GLB1L2: variants seen among roughly 807,000 people sequenced by gnomAD.
GLB1L2 encodes galactosidase beta 1 like 2.
Under a neutral mutation model 84.1 loss-of-function variants are expected in GLB1L2, and 68 were observed. The observed-to-expected ratio is 0.81, with a 90% CI of 0.67 to 0.99. The LOEUF is 0.99. Ranked by LOEUF, GLB1L2 falls within the 50% of genes least tolerant of loss-of-function variation. The pLI is 0.00. For synonymous variants in GLB1L2, 290 were observed against 318.0 expected, an observed-to-expected ratio of 0.91 and a Z score of 0.94; for missense variants, 762 against 805.6, an observed-to-expected ratio of 0.95 and a Z score of 0.66.
chr11:134,333,975 G>T (rs1943341619), intron 1 of GLB1L2, among the ~76,000 whole-genome samples: 1 of 152,136 alleles, frequency 6.6e-6, no homozygotes, highest in Admixed American at 6.5e-5. Flanking sequence ...GCATCTTTTT[G>T]ATTTTTTCAC....
intron 11 of GLB1L2, 90 bp downstream of exon 11, chr11:134,369,975 T>C: frequency 9.4e-7 from 1 of 1,060,212 alleles, no homozygotes; most frequent in Non-Finnish European, 1.4e-6. Context: ...CTGTCCCACC[T>C]CGACCCCAGT....
chr11:134,370,947 A>G lies in GLB1L2; in HGVS notation c.1216-61A>G, dbSNP rs1943944293. On this transcript the variant is annotated intron_variant, in intron 12 of 18. Coordinates refer to ENST00000535456, the MANE Select transcript of GLB1L2 (RefSeq NM_001370461.1). The surrounding 1 kb of genome is among the most constrained non-coding windows in gnomAD (Gnocchi z 4.7). Reference sequence around the variant, plus strand: ...ACCCCATGTGCCAGCCCCCAGGCAGAGTCTGTCTGTGACCCCACTCCTCCT... The same window carrying G: ...ACCCCATGTGCCAGCCCCCAGGCAGGGTCTGTCTGTGACCCCACTCCTCCT... 4 of 1,591,392 alleles carry G rather than the reference A, an allele frequency of 2.5e-6. No homozygotes were observed. The highest frequency in any genetic ancestry group is 1.1e-5 in the South Asian group (1 of 87,524).
chr11:134,344,227 G>A (rs1387354280), intron 2 of GLB1L2, among the ~76,000 whole-genome samples, 160 bp from the exon 3 acceptor site: 1 of 152,190 alleles, frequency 6.6e-6, no homozygotes, highest in African/African-American at 2.4e-5. Context: ...CTCGATTCTG[G>A]TCCCTAGATC....
chr11:134,374,750 T>C (rs1476442597), intron 18 of GLB1L2, 32 bp downstream of exon 18: 1 of 1,548,028 alleles, frequency 6.5e-7, no homozygotes, highest in East Asian at 2.3e-5. Context: ...CTGTTCCCCA[T>C]GACGCCCTGC....
rs1338488698 is a variant in GLB1L2, at chr11:134,370,269, G to A, written c.1109-24G>A. ...GCAGTGACATTTGGGTCCGTTGGGG[G>A]TGACCCTGTTTTCTGTGTTGCAGGC... is the stretch of plus-strand genomic sequence containing the variant. On this transcript the variant is annotated intron_variant, in intron 11 of 18. Coordinates refer to ENST00000535456, the MANE Select transcript of GLB1L2 (RefSeq NM_001370461.1). The surrounding 1 kb of genome is among the most constrained non-coding windows in gnomAD (Gnocchi z 4.7). 8 of 1,598,420 alleles carry A rather than the reference G, an allele frequency of 5.0e-6. No individual in the cohort carries two copies. Among genetic ancestry groups the A allele is most frequent in the African/African-American group, 4.0e-5 (3 of 74,520 alleles).
intron 3 of GLB1L2, 120 bp from the exon 4 acceptor site, chr11:134,344,914 G>C: frequency 3.4e-6 from 4 of 1,193,914 alleles, no homozygotes; most frequent in Non-Finnish European, 4.7e-6. Context: ...CGCTTTGGGG[G>C]TGGGGCCGAG....
intron 8 of GLB1L2, among the ~76,000 whole-genome samples, chr11:134,366,857 G>A (rs370605582): frequency 2.0e-5 from 3 of 152,064 alleles, no homozygotes; most frequent in South Asian, 2.1e-4. Flanking sequence ...CCCAGGGTGG[G>A]GGGGAGGGAT....
rs766882434 is a variant in GLB1L2 at position 134,374,223 on chromosome 11, C to T, written c.1674C>T (p.Ser558=). The T allele has an allele frequency of 2.6e-5, 42 of 1,613,622 alleles. No individual in the cohort carries two copies. In the South Asian group the frequency reaches 4.6e-4, roughly 18 times the overall value. ...PAFFLGSLSI[S]STPCDTFLKL... ...TCTTCTTGGGTAGCTTGTCCATCAG[C>T]TCCACCCCTTGTGACACCTTTCTGA... Residue 558 remains serine, a synonymous_variant, in exon 17 of 19, where the codon AGC becomes AGT. Transcript: ENST00000535456.
chr11:134,370,150 C>T lies in GLB1L2; in HGVS notation c.1109-143C>T. The T allele has an allele frequency of 1.3e-6, 1 of 783,164 alleles. No individual in the cohort carries two copies. The highest frequency in any genetic ancestry group is 2.2e-6 in the Non-Finnish European group (1 of 453,664). The allele number at this position is 783,164 out of a possible 1,614,324, so 48.5% of individuals were successfully genotyped here. On this transcript the variant is annotated intron_variant, in intron 11 of 18. Coordinates refer to ENST00000535456, the MANE Select transcript of GLB1L2 (RefSeq NM_001370461.1). This position sits in a 1 kb window ranked among gnomAD's most constrained non-coding sequence, Gnocchi z 4.7. Reference sequence around the variant, plus strand: ...GCCTGGCCTTCCTCCCTGGCCTCAGCAGGTGCTGAGAGCTAGCCTGTTGTT... The same window carrying T: ...GCCTGGCCTTCCTCCCTGGCCTCAGTAGGTGCTGAGAGCTAGCCTGTTGTT...
intron 15 of GLB1L2, 92 bp downstream of exon 15, chr11:134,371,922 A>T: frequency 7.9e-7 from 1 of 1,268,638 alleles, no homozygotes; most frequent in Non-Finnish European, 1.1e-6. Flanking sequence ...CAGGCCATGG[A>T]GGCCTCTTGC....
chr11:134,371,563 A>G, intron 14 of GLB1L2, 71 bp downstream of exon 14: 3 of 1,098,568 alleles, frequency 2.7e-6, no homozygotes, highest in Non-Finnish European at 2.8e-6. Flanking sequence ...GCAGTCACTG[A>G]GGAAAACCTG....
At chr11:134,341,885 A>AGT (rs1943467642) in intron 1 of GLB1L2, among the ~76,000 whole-genome samples, 3 of 136,014 alleles carry the variant, frequency 2.2e-5, no homozygotes, top group African/African-American at 8.4e-5. Flanking sequence ...ACCGCCTGCT[A>AGT]GTGTCAGGGC....
chr11:134,353,665 T>C (rs1215144619), intron 5 of GLB1L2, among the ~76,000 whole-genome samples: 1 of 152,208 alleles, frequency 6.6e-6, no homozygotes, highest in African/African-American at 2.4e-5. Context: ...TGTCTATTTT[T>C]CCCTTTAATT....
At chr11:134,362,010 T>C in intron 7 of GLB1L2, among the ~76,000 whole-genome samples, 1 of 152,176 alleles carries the variant, frequency 6.6e-6, no homozygotes, top group East Asian at 1.9e-4. Context: ...TGGTGGGCCG[T>C]GCGGGTTGTG....
In GLB1L2 at chr11:134,334,984, G is replaced by A. The variant is rs947143027; in HGVS notation, c.86+2837G>A. ...ATCACCGAGCAAGAATACAGGCAAC[G>A]CTGCATCTCTCATACCTGAAATTTT... is the stretch of plus-strand genomic sequence containing the variant. On this transcript the variant is annotated intron_variant, in intron 1 of 18. Transcript: ENST00000535456. This position sits in a 1 kb window ranked among gnomAD's most constrained non-coding sequence, Gnocchi z 4.1. 2.6e-5 allele frequency among the ~76,000 whole-genome samples: 4 copies of A among 152,178 alleles called. No individual in the cohort carries two copies. The highest frequency in any genetic ancestry group is 3.4e-3 in the Middle Eastern group (1 of 294).
chr11:134,372,098 C>A (rs1415518464), intron 15 of GLB1L2, among the ~76,000 whole-genome samples: 1 of 152,220 alleles, frequency 6.6e-6, no homozygotes, highest in Non-Finnish European at 1.5e-5. Flanking sequence ...CTCCCCTGGG[C>A]TGCAGTCGGT....
rs763409178 is a variant in GLB1L2 at position 134,374,177 on chromosome 11, A to G, written c.1628A>G (p.Glu543Gly). ...FGLDKWSSLP[E>G]TPTLPAFFLG... ...CTGGACAAATGGAGTTCCCTCCCAG[A>G]AACACCCACATTACCTGCTTTCTTC... Residue 543 changes from glutamate (E) to glycine (G), a missense_variant, in exon 17 of 19, where the codon GAA (glutamate) becomes GGA (glycine). Around this residue, in one of 3 missense-constraint regions of GLB1L2, gnomAD observed 603 missense variants for 611.7 expected, o/e 0.99. Transcript: ENST00000535456. 6.2e-7 allele frequency: 1 copy of G among 1,614,110 alleles called. No individual in the cohort carries two copies. Among genetic ancestry groups the G allele is most frequent in the East Asian group, 2.2e-5 (1 of 44,888 alleles).
Position 134,375,030 on chromosome 11 carries a change from A to C in GLB1L2, c.1883A>C (p.His628Pro), listed in dbSNP as rs976944424. ...GCATTACAGTTCACGGAAACCCCCC[A>C]CCTGGGCAGGAACCAGTACATTAAG... Reference protein sequence around the residue: ...GPALQFTETPHLGRNQYIK With the variant: ...GPALQFTETPPLGRNQYIK The change falls in exon 19 of 19, where the codon CAC becomes CCC. Residue 628 changes from histidine (H) to proline (P), a missense_variant. Physicochemically the swap from His to Pro is moderately conservative, Grantham distance 77. This residue lies in a region of GLB1L2 where 603 missense variants were observed against 611.7 expected (regional missense o/e 0.99). Coordinates refer to ENST00000535456, the MANE Select transcript of GLB1L2 (RefSeq NM_001370461.1). 1 of 1,613,412 alleles carries C rather than the reference A, an allele frequency of 6.2e-7. No individual in the cohort carries two copies. The highest frequency in any genetic ancestry group is 1.3e-5 in the African/African-American group (1 of 74,848).
intron 5 of GLB1L2, among the ~76,000 whole-genome samples, chr11:134,350,673 A>T (rs1247374104): frequency 6.6e-6 from 1 of 152,206 alleles, no homozygotes; most frequent in Non-Finnish European, 1.5e-5. Flanking sequence ...AGCAGGACGG[A>T]TGAACGGTGC....
Sources: allele counts gnomAD v4.1 joint callset (sites outside exome capture counted in the v4.1 genomes callset), GRCh38; gene constraint gnomAD v4.1.1; regional missense constraint gnomAD v4.1.1; non-coding constraint Gnocchi (gnomAD v3.1); transcripts MANE v1.5; gene names NCBI Gene and HGNC (gene_info 2026-07-23, HGNC 2026-07-21).